NOS1: variants seen among roughly 807,000 people sequenced by gnomAD.
The protein encoded by NOS1 is nitric oxide synthase 1, also known as NOS type I.
NOS1 carries 51 observed loss-of-function variants against 164.5 expected under a neutral mutation model. That is an observed-to-expected ratio of 0.31 (90% confidence interval 0.25 to 0.39). NOS1 has a LOEUF of 0.39. Ranked by LOEUF, NOS1 falls within the 10% of genes least tolerant of loss-of-function variation. NOS1 has a pLI of 1.00. For missense variants in NOS1, 1,362 were observed against 1,885.6 expected (o/e 0.72, Z 5.14); for synonymous variants, 719 against 745.8 (o/e 0.96, Z 0.59).
At position 117,294,214 on chromosome 12, in the gene NOS1, G is replaced by A. The variant is rs983549669; in HGVS notation, c.853-3788C>T. On this transcript the variant is annotated intron_variant, in intron 3 of 28. Transcript: ENST00000317775. The stretch of plus-strand genomic sequence containing the variant: ...TGAGGAGCAGCTGAAATCCCAGGGC[G>A]GGGATGACAGATGTGGTGATGACAT... Among the ~76,000 whole-genome samples the A allele has an allele frequency of 5.9e-5, 9 of 152,312 alleles. No individual in the cohort carries two copies. The South Asian group carries it at 8.3e-4, about 14-fold the overall frequency.
chr12:117,240,706 T>C (rs1592941671), intron 20 of NOS1, among the ~76,000 whole-genome samples: 1 of 152,184 alleles, frequency 6.6e-6, no homozygotes, highest in East Asian at 1.9e-4. Flanking sequence ...CACAGAAAGC[T>C]CTAGAAAAAC....
At chr12:117,285,550 C>T (rs1874049600) in intron 6 of NOS1, among the ~76,000 whole-genome samples, 1 of 145,902 alleles carries the variant, frequency 6.9e-6, no homozygotes, top group Admixed American at 6.8e-5. Context: ...AAAAAATCGC[C>T]TAAAAGTAGG....
At chr12:117,304,100 AGGT>A in intron 3 of NOS1, among the ~76,000 whole-genome samples, 1 of 152,148 alleles carries the variant, frequency 6.6e-6, no homozygotes, top group African/African-American at 2.4e-5. Flanking sequence ...TGAACCTGGG[AGGT>A]GGAGCTTGCA....
intron 23 of NOS1, among the ~76,000 whole-genome samples, chr12:117,227,059 T>G (rs1435613511): frequency 6.6e-6 from 1 of 152,048 alleles, no homozygotes; most frequent in Non-Finnish European, 1.5e-5. Flanking sequence ...CACTGTGCAT[T>G]TTAATTGCTT....
At chr12:117,359,373 C>CA (rs1877010242) in intron 1 of NOS1, among the ~76,000 whole-genome samples, 1 of 145,046 alleles carries the variant, frequency 6.9e-6, no homozygotes, top group Non-Finnish European at 1.5e-5. Context: ...GAAAAAATAA[C>CA]GGGGGAAAAA....
At chr12:117,265,957 A>AT (rs60817517) in intron 11 of NOS1, among the ~76,000 whole-genome samples, 2,867 of 143,976 alleles carry the variant, frequency 0.02, 36 homozygotes, top group South Asian at 0.047. Context: ...CGCCTGGCTA[A>AT]TTTTTTTTTT....
Position 117,302,522 on chromosome 12 carries a change from G to A in NOS1, c.852+8944C>T, listed in dbSNP as rs370485750. Among the ~76,000 whole-genome samples the A allele has an allele frequency of 4.6e-5, 7 of 151,094 alleles. No homozygotes were observed. In the South Asian group the frequency reaches 6.3e-4, roughly 14 times the overall value. On this transcript the variant is annotated intron_variant, in intron 3 of 28. Transcript: ENST00000317775. ...GGCAGGAGAATGGCGTGAACCCCAGGGGGCAGAGCCTGCAGTGAGCCGAGA... is the reference window on the plus strand; with the variant it reads ...GGCAGGAGAATGGCGTGAACCCCAGAGGGCAGAGCCTGCAGTGAGCCGAGA...
At chr12:117,297,317 G>A (rs374998613) in intron 3 of NOS1, among the ~76,000 whole-genome samples, 20 of 152,358 alleles carry the variant, frequency 1.3e-4, no homozygotes, top group Admixed American at 3.3e-4. Flanking sequence ...GGCTCTGGAA[G>A]TGGAACTGAG....
intron 17 of NOS1, among the ~76,000 whole-genome samples, chr12:117,252,784 A>G (rs1871193671): frequency 6.6e-6 from 1 of 152,204 alleles, no homozygotes; most frequent in Non-Finnish European, 1.5e-5. Context: ...TAGCTAGCAA[A>G]CCAGTGATCT....
At chr12:117,310,965 ACACC>A (rs1874401220) in intron 3 of NOS1, among the ~76,000 whole-genome samples, 2 of 152,060 alleles carry the variant, frequency 1.3e-5, no homozygotes, top group Admixed American at 6.6e-5. Context: ...TCCCAGGTTC[ACACC>A]ATTCTCCTGC....
chr12:117,339,692 G>C (rs1358358561), intron 1 of NOS1, among the ~76,000 whole-genome samples: 1 of 152,194 alleles, frequency 6.6e-6, no homozygotes, highest in Non-Finnish European at 1.5e-5. Context: ...ATTCTGGGCA[G>C]GCATTAAATA....
At chr12:117,247,953 A>AT (rs966154081) in intron 17 of NOS1, among the ~76,000 whole-genome samples, 2 of 150,680 alleles carry the variant, frequency 1.3e-5, no homozygotes, top group African/African-American at 4.9e-5. Flanking sequence ...CTAAAAAAAA[A>AT]AAAAAAAGAA....
At chr12:117,313,098 C>A (rs1357678760) in intron 2 of NOS1, among the ~76,000 whole-genome samples, 1 of 152,200 alleles carries the variant, frequency 6.6e-6, no homozygotes, top group Non-Finnish European at 1.5e-5. Context: ...AGTGCCATCA[C>A]CTTCATTAGC....
intron 1 of NOS1, among the ~76,000 whole-genome samples, chr12:117,343,569 C>G (rs1876213378): frequency 6.6e-6 from 1 of 152,134 alleles, no homozygotes; most frequent in Non-Finnish European, 1.5e-5. Context: ...GTAATAACAA[C>G]TAGTTGCCAA....
intron 9 of NOS1, among the ~76,000 whole-genome samples, chr12:117,277,195 A>G (rs1486221941): frequency 6.6e-6 from 1 of 152,038 alleles, no homozygotes; most frequent in African/African-American, 2.4e-5. Context: ...GTGAGATGCT[A>G]TCTCATTGTG....
In NOS1 at chr12:117,208,706, C is replaced by T; in HGVS notation, c.*6603G>A. The T allele has an allele frequency of 7.8e-6, 8 of 1,030,956 alleles. No homozygotes were observed. The highest frequency in any genetic ancestry group is 3.4e-5 in the South Asian group (1 of 29,008). The allele number at this position is 1,030,956 out of a possible 1,614,324, so 63.9% of individuals were successfully genotyped here. ...GTGTCTTATTGAAACAGACTGCCAT[C>T]CTCTGTTCTGGCATGGGAGGGCTTT... On this transcript the variant is annotated 3_prime_UTR_variant, in exon 29 of 29. Transcript: ENST00000317775.
chr12:117,223,320 G>A (rs1235685408), intron 25 of NOS1, among the ~76,000 whole-genome samples: 3 of 149,862 alleles, frequency 2.0e-5, no homozygotes, highest in Non-Finnish European at 4.4e-5. Flanking sequence ...TGGAGTGCGT[G>A]GCACGACCTC....
intron 2 of NOS1, among the ~76,000 whole-genome samples, chr12:117,322,715 A>T (rs1159183709): frequency 2.9e-4 from 17 of 58,214 alleles, no homozygotes; most frequent in Admixed American, 4.3e-4. Flanking sequence ...CTTTCCTTTC[A>T]TCTCTCCTTC....
At chr12:117,290,577 C>T (rs560060412) in intron 3 of NOS1, 151 bp from the exon 4 acceptor site, 21 of 972,976 alleles carry the variant, frequency 2.2e-5, no homozygotes, top group South Asian at 1.7e-4. Flanking sequence ...GCCCTTCCTG[C>T]TTGACATGTA....
Sources: allele counts gnomAD v4.1 joint callset (sites outside exome capture counted in the v4.1 genomes callset), GRCh38; gene constraint gnomAD v4.1.1; transcripts MANE v1.5; gene names NCBI Gene and HGNC (gene_info 2026-07-23, HGNC 2026-07-21).